ALKBH3: variants seen among roughly 807,000 people sequenced by gnomAD.
ALKBH3 encodes alkB homolog 3, alpha-ketoglutarate dependent dioxygenase.
ALKBH3 carries 51 observed loss-of-function variants against 43.9 expected under a neutral mutation model. The observed-to-expected ratio is 1.16, with a 90% CI of 0.93 to 1.47. The LOEUF is 1.47. Among genes scored for constraint, ALKBH3 ranks in the 40% most tolerant of loss-of-function variants. The pLI, the probability that ALKBH3 is intolerant of heterozygous loss-of-function variation, is 0.00. For synonymous variants in ALKBH3, 102 were observed against 115.2 expected (o/e 0.89, Z 0.73); for missense variants, 361 against 351.9 (o/e 1.03, Z -0.21).
rs144890252 is a variant in ALKBH3, at chr11:43,919,068, A to G, written c.700A>G (p.Arg234Gly). Residue 234 changes from arginine to glycine, a missense_variant, in exon 9 of 10, where the codon AGA (arginine) becomes GGA (glycine). Coordinates refer to ENST00000302708, the MANE Select transcript of ALKBH3 (RefSeq NM_139178.4). ...EENGDYTYVE[R>G]VKIPLDHGTL... Reference sequence around the variant, plus strand: ...GAATGGAGACTACACATATGTGGAAAGAGTGAAGATACCCTTGGATCATGG... The same window carrying G: ...GAATGGAGACTACACATATGTGGAAGGAGTGAAGATACCCTTGGATCATGG... The G allele has an allele frequency of 2.5e-6, 4 of 1,612,454 alleles. No individual in the cohort carries two copies. The African/African-American group carries it at 4.0e-5, about 16-fold the overall frequency.
At chr11:43,906,306 A>G (rs12577215) in intron 8 of ALKBH3, among the ~76,000 whole-genome samples, 27,321 of 152,168 alleles carry the variant, frequency 0.18, 2,765 homozygotes, top group South Asian at 0.33. Flanking sequence ...AGAGTGGAGT[A>G]TAAAAAGGTC....
At chr11:43,915,227 AAAAAG>A (rs1362443707) in intron 8 of ALKBH3, among the ~76,000 whole-genome samples, 6 of 151,814 alleles carry the variant, frequency 4.0e-5, no homozygotes, top group Admixed American at 3.9e-4. Context: ...AAAAAAAAAA[AAAAAG>A]AACTTGGCTT....
chr11:43,898,716 G>A, intron 7 of ALKBH3: 1 of 715,940 alleles, frequency 1.4e-6, no homozygotes. Context: ...CTAAGAGACT[G>A]GGCCGACTTC....
chr11:43,901,055 G>A (rs1422720915), intron 7 of ALKBH3, among the ~76,000 whole-genome samples: 2 of 152,168 alleles, frequency 1.3e-5, no homozygotes, highest in East Asian at 1.9e-4. Flanking sequence ...GGAATAGAAC[G>A]AACAGAGGGC....
At chr11:43,917,883 G>A (rs774330085) in intron 8 of ALKBH3, among the ~76,000 whole-genome samples, 1 of 152,174 alleles carries the variant, frequency 6.6e-6, no homozygotes, top group Non-Finnish European at 1.5e-5. Context: ...GACTATGCTT[G>A]ACAAAGTTAC....
rs1169618405 is a variant in ALKBH3, at chr11:43,883,088, C to T, written c.83C>T (p.Thr28Ile). Residue 28 changes from threonine to isoleucine, a missense_variant, in exon 3 of 10, where the codon ACC (threonine) becomes ATC (isoleucine). Coordinates refer to ENST00000302708, the MANE Select transcript of ALKBH3 (RefSeq NM_139178.4). The stretch of plus-strand genomic sequence containing the variant: ...GCTGTCCCCTCTCTTGCTTCAGCTA[C>T]CACTGCTAAGAGCCATCTCCACCAG... ...VKSQAIAQPA[T>I]TAKSHLHQKP... The T allele has an allele frequency of 3.1e-6, 5 of 1,613,596 alleles. No individual in the cohort carries two copies. The Admixed American group carries it at 5.0e-5, about 16-fold the overall frequency.
chr11:43,915,583 TC>T, intron 8 of ALKBH3, among the ~76,000 whole-genome samples: 1 of 152,340 alleles, frequency 6.6e-6, no homozygotes, highest in Non-Finnish European at 1.5e-5. Context: ...AACCATGTGC[TC>T]CTTACTGCTC....
chr11:43,910,114 A>G (rs893489913), intron 8 of ALKBH3: 10 of 152,148 alleles, frequency 6.6e-5, no homozygotes, highest in Admixed American at 6.5e-4. Context: ...TAGAATTCCC[A>G]AACTTTTCTC....
intron 8 of ALKBH3, among the ~76,000 whole-genome samples, chr11:43,917,104 G>A (rs1444308129): frequency 6.6e-6 from 1 of 152,152 alleles, no homozygotes; most frequent in Non-Finnish European, 1.5e-5. Flanking sequence ...TATGGCTAAT[G>A]GTTATGTTGA....
chr11:43,901,467 T>C (rs118018613), intron 7 of ALKBH3, 49 bp from the exon 8 acceptor site: 834 of 1,600,974 alleles, frequency 5.2e-4, no homozygotes, highest in Non-Finnish European at 6.7e-4. Context: ...GGCTGTCATT[T>C]TGTGTGTAAT....
At chr11:43,914,667 G>A (rs1951968300) in intron 8 of ALKBH3, among the ~76,000 whole-genome samples, 1 of 152,202 alleles carries the variant, frequency 6.6e-6, no homozygotes, top group Non-Finnish European at 1.5e-5. Flanking sequence ...CCAAAGAAAG[G>A]TCAGTAGAGT....
intron 8 of ALKBH3, among the ~76,000 whole-genome samples, chr11:43,905,429 T>A (rs1951889226): frequency 6.6e-6 from 1 of 150,578 alleles, no homozygotes; most frequent in Non-Finnish European, 1.5e-5. Flanking sequence ...AAGGTGCCGG[T>A]TTTTTGTTTT....
intron 7 of ALKBH3, among the ~76,000 whole-genome samples, chr11:43,900,164 T>C (rs1951851692): frequency 6.6e-6 from 1 of 151,548 alleles, no homozygotes; most frequent in Admixed American, 6.6e-5. Context: ...ATTAAAATGT[T>C]GATGTTAACA....
intron 7 of ALKBH3, chr11:43,899,334 G>A: frequency 5.7e-6 from 4 of 696,122 alleles, no homozygotes; most frequent in South Asian, 5.7e-5. Context: ...AAATTCCACA[G>A]CATGCCCGTG....
intron 5 of ALKBH3, among the ~76,000 whole-genome samples, 187 bp from the exon 6 acceptor site, chr11:43,889,538 G>A (rs1951768987): frequency 6.6e-6 from 1 of 152,130 alleles, no homozygotes; most frequent in African/African-American, 2.4e-5. Flanking sequence ...AACATGAAAG[G>A]AGTTTATTTT....
intron 2 of ALKBH3, 126 bp from the exon 3 acceptor site, chr11:43,882,959 C>G: frequency 1.2e-6 from 1 of 858,634 alleles, no homozygotes; most frequent in Non-Finnish European, 1.8e-6. Context: ...CTTCTGTTGA[C>G]TTTACCAGTT....
intron 5 of ALKBH3, among the ~76,000 whole-genome samples, chr11:43,887,285 G>A (rs1277887459): frequency 6.6e-6 from 1 of 152,058 alleles, no homozygotes; most frequent in African/African-American, 2.4e-5. Context: ...TTTTAGATGA[G>A]GAAATGAGAC....
chr11:43,884,523 A>C (rs1391718656), intron 4 of ALKBH3, among the ~76,000 whole-genome samples: 1 of 152,122 alleles, frequency 6.6e-6, no homozygotes, highest in African/African-American at 2.4e-5. Flanking sequence ...TGTGTCTAAA[A>C]TGTTCTTGTC....
At position 43,882,657 on chromosome 11, in the gene ALKBH3, A is replaced by T; in HGVS notation, c.5A>T (p.Glu2Val). The change falls in exon 2 of 10, where the codon GAG becomes GTG. Residue 2 changes from glutamate (E) to valine (V), a missense_variant. Coordinates refer to ENST00000302708, the MANE Select transcript of ALKBH3 (RefSeq NM_139178.4). M[E>V]EKRRRARVQG... ...GCAGAAGCCTTTTTGGTCAACATGG[A>T]GGAAAAAAGACGGCGAGCCCGAGTT... 1 of 1,613,072 alleles carries T rather than the reference A, an allele frequency of 6.2e-7. No homozygotes were observed. Among genetic ancestry groups the T allele is most frequent in the Non-Finnish European group, 8.5e-7 (1 of 1,179,742 alleles).
Sources: gnomAD v4.1 joint callset for allele counts (sites outside exome capture counted in the v4.1 genomes callset) on GRCh38, gnomAD v4.1.1 for gene constraint, MANE v1.5 for transcripts, NCBI Gene and HGNC (gene_info 2026-07-23, HGNC 2026-07-21) for gene names.